The following RBFOX1 variants were observed in gnomAD, a reference collection of about 807,000 sequenced individuals.
RBFOX1 encodes RNA binding protein fox-1 homolog 1.
A neutral mutation model predicts 57.7 loss-of-function variants in RBFOX1; 8 were observed. The observed-to-expected ratio is 0.14, with a 90% CI of 0.08 to 0.25. The LOEUF is 0.25. Among genes scored for constraint, RBFOX1 ranks in the 10% least tolerant of loss-of-function variants. The pLI, the probability that RBFOX1 is intolerant of heterozygous loss-of-function variation, is 1.00. For missense variants in RBFOX1, 611 were observed against 548.5 expected (o/e 1.11, Z -1.14); for synonymous variants, 326 against 222.4 (o/e 1.47, Z -4.15).
rs193256078 is a variant in RBFOX1 at position 6,119,964 on chromosome 16, G to A, written c.-127+99972G>A. Among the ~76,000 whole-genome samples the A allele has an allele frequency of 2.0e-5, 3 of 152,238 alleles. No homozygotes were observed. In the East Asian group the frequency reaches 5.8e-4, roughly 29 times the overall value. ...TCCTTCTCCTCTGCCCCAGCCCTTAGCAATCACTAATCTGCTTTCTCTATG... is the reference window on the plus strand; with the variant it reads ...TCCTTCTCCTCTGCCCCAGCCCTTAACAATCACTAATCTGCTTTCTCTATG... On this transcript the variant is annotated intron_variant, in intron 1 of 15. Transcript: ENST00000550418.
At chr16:6,068,474 G>C (rs2095795276) in intron 1 of RBFOX1, among the ~76,000 whole-genome samples, 1 of 152,092 alleles carries the variant, frequency 6.6e-6, no homozygotes, top group Non-Finnish European at 1.5e-5. Context: ...AATAATGAAG[G>C]AATTCTTAAT....
intron 3 of RBFOX1, among the ~76,000 whole-genome samples, chr16:5,737,807 A>T (rs1597041029): frequency 1.3e-5 from 2 of 152,248 alleles, no homozygotes; most frequent in South Asian, 4.1e-4. Flanking sequence ...TTATATCTCA[A>T]TAAAGTCTGG....
At chr16:7,196,782 A>G (rs2086807612) in intron 4 of RBFOX1, among the ~76,000 whole-genome samples, 1 of 152,052 alleles carries the variant, frequency 6.6e-6, no homozygotes, top group South Asian at 2.1e-4. Context: ...GCTTTTGAGG[A>G]TGGGTGGGAA....
intron 14 of RBFOX1, among the ~76,000 whole-genome samples, chr16:7,701,270 G>T (rs1032616270): frequency 9.4e-5 from 14 of 148,306 alleles, no homozygotes; most frequent in Non-Finnish European, 1.8e-4. Context: ...TTGTAGGTCA[G>T]GGGTCCCCAA....
chr16:6,768,170 C>T (rs62016065), intron 3 of RBFOX1, among the ~76,000 whole-genome samples: 15,419 of 151,782 alleles, frequency 0.1, 890 homozygotes, highest in African/African-American at 0.15. Context: ...GCACTTCAGC[C>T]TGGGCAATAG....
At chr16:5,911,297 A>G (rs1310005560) in intron 4 of RBFOX1, among the ~76,000 whole-genome samples, 1 of 152,102 alleles carries the variant, frequency 6.6e-6, no homozygotes, top group Non-Finnish European at 1.5e-5. Flanking sequence ...CTCCACACTT[A>G]TTACTGATGG....
In RBFOX1 at chr16:7,495,912, G is replaced by A. The variant is rs199889423; in HGVS notation, c.28-22235G>A. ...TCAAAGATACTAGACTATTTTTTTT[G>A]AAAATCAGCAGAATTTCATTGAAGT... On this transcript the variant is annotated intron_variant, in intron 4 of 15. Transcript: ENST00000550418. 3.4e-5 allele frequency among the ~76,000 whole-genome samples: 5 copies of A among 149,094 alleles called. 1 individual carries two copies. In the South Asian group the frequency reaches 8.6e-4, roughly 26 times the overall value.
intron 3 of RBFOX1, among the ~76,000 whole-genome samples, chr16:5,727,761 C>T (rs942147537): frequency 2.0e-5 from 3 of 152,170 alleles, no homozygotes; most frequent in African/African-American, 7.2e-5. Flanking sequence ...TATCATGGCT[C>T]ACTGCAGCCT....
chr16:6,513,931 C>T (rs1287977878), intron 2 of RBFOX1, among the ~76,000 whole-genome samples: 1 of 152,096 alleles, frequency 6.6e-6, no homozygotes, highest in Non-Finnish European at 1.5e-5. Context: ...GGAAAACGGG[C>T]TGATGGGAAG....
chr16:6,836,591 A>G (rs2093115345), intron 3 of RBFOX1, among the ~76,000 whole-genome samples: 1 of 152,162 alleles, frequency 6.6e-6, no homozygotes, highest in African/African-American at 2.4e-5. Context: ...ATCATCTTTC[A>G]AGACTTGGCT....
rs117203830 is a variant in RBFOX1, at chr16:5,554,230, G to A, written c.259-44672G>A. Among the ~76,000 whole-genome samples, 1,039 of 151,900 alleles carry A rather than the reference G, an allele frequency of 6.8e-3. 5 individuals are homozygous for A. Among genetic ancestry groups the A allele is most frequent in the Non-Finnish European group, 0.012 (847 of 67,946 alleles). ...AAGTGATCTGCCCACGTTGATCTCCGGAAGTGCTGGGATTACAGGCATGAG... is the reference window on the plus strand; with the variant it reads ...AAGTGATCTGCCCACGTTGATCTCCAGAAGTGCTGGGATTACAGGCATGAG... On this transcript the variant is annotated intron_variant, in intron 2 of 2. Transcript: ENST00000585867.
chr16:7,269,683 C>A (rs960322839), intron 4 of RBFOX1, among the ~76,000 whole-genome samples: 1 of 152,058 alleles, frequency 6.6e-6, no homozygotes, highest in African/African-American at 2.4e-5. Context: ...TATCTTTCTC[C>A]CTTACTATTA....
At chr16:6,862,248 A>G (rs2059152550) in intron 3 of RBFOX1, among the ~76,000 whole-genome samples, 1 of 152,162 alleles carries the variant, frequency 6.6e-6, no homozygotes, top group Admixed American at 6.5e-5. Flanking sequence ...AGAAACCCAG[A>G]GTCCTAGGCC....
chr16:7,167,330 T>G (rs1038452615), intron 4 of RBFOX1, among the ~76,000 whole-genome samples: 1 of 151,736 alleles, frequency 6.6e-6, no homozygotes, highest in South Asian at 2.1e-4. Flanking sequence ...GATCTCTAGG[T>G]GAAATCATCC....
chr16:6,819,193 C>G (rs1028840347), intron 3 of RBFOX1, among the ~76,000 whole-genome samples: 4 of 152,156 alleles, frequency 2.6e-5, no homozygotes, highest in African/African-American at 9.7e-5. Flanking sequence ...TCCTAACATT[C>G]TGTTTATTTC....
chr16:7,139,210 TTG>T (rs996715608), intron 4 of RBFOX1, among the ~76,000 whole-genome samples: 15 of 96,052 alleles, frequency 1.6e-4, no homozygotes, highest in East Asian at 1.1e-3. Context: ...GTGTGTGTGT[TTG>T]TGTGTGTGTG....
rs1420112074 is a variant in RBFOX1, at chr16:6,611,301, C to CA, written c.-63-43301dup. The stretch of plus-strand genomic sequence containing the variant: ...AGCTGAGAATACAGGCGCACACCAC[C>CA]ACGCCTGGCTAATTTTTGTATTTTT... On this transcript the variant is annotated intron_variant, in intron 2 of 15. Transcript: ENST00000550418. 2.0e-5 allele frequency among the ~76,000 whole-genome samples: 3 copies of CA among 152,206 alleles called. No homozygotes were observed. In the East Asian group the frequency reaches 5.8e-4, roughly 29 times the overall value.
At chr16:6,860,379 T>C (rs896351585) in intron 3 of RBFOX1, among the ~76,000 whole-genome samples, 5 of 152,200 alleles carry the variant, frequency 3.3e-5, no homozygotes, top group African/African-American at 4.8e-5. Context: ...GCATTTGTTA[T>C]TTCAAACTCT....
In RBFOX1 at chr16:6,873,068, C is replaced by G. The variant is rs535576821; in HGVS notation, c.-15-178989C>G. 6.3e-4 allele frequency among the ~76,000 whole-genome samples: 95 copies of G among 151,476 alleles called. 1 individual carries two copies. The highest frequency in any genetic ancestry group is 2.3e-3 in the African/African-American group (94 of 41,306). On this transcript the variant is annotated intron_variant, in intron 3 of 15. Coordinates refer to ENST00000550418, the MANE Select transcript of RBFOX1 (RefSeq NM_018723.4). The stretch of plus-strand genomic sequence containing the variant: ...CATTTCTGAGGCTATGCAAAGCCAC[C>G]CAAACTTCTGAAATATGTACCTTGT...
Sources: gnomAD v4.1 joint callset for allele counts (sites outside exome capture counted in the v4.1 genomes callset) on GRCh38, gnomAD v4.1.1 for gene constraint, MANE v1.5 for transcripts, NCBI Gene and HGNC (gene_info 2026-07-23, HGNC 2026-07-21) for gene names.